USP6: variants seen among roughly 807,000 people sequenced by gnomAD.
USP6 encodes the protein ubiquitin carboxyl-terminal hydrolase 6.
In USP6, 128 loss-of-function variants were observed where a neutral mutation model predicts 175.7. The ratio of observed to expected loss-of-function variants is 0.73; its 90% confidence interval spans 0.63 to 0.84. USP6 has a LOEUF of 0.84. Ranked by LOEUF, USP6 falls within the 40% of genes least tolerant of loss-of-function variation. The pLI, the probability that USP6 is intolerant of heterozygous loss-of-function variation, is 0.00. For missense variants in USP6, 1,498 were observed against 1,760.3 expected, an observed-to-expected ratio of 0.85 and a Z score of 2.67; for synonymous variants, 562 against 630.6, an observed-to-expected ratio of 0.89 and a Z score of 1.63.
At chr17:5,133,662 A>C in intron 14 of USP6, 112 bp downstream of exon 14, 1 of 1,198,262 alleles carries the variant, frequency 8.3e-7, no homozygotes, top group Non-Finnish European at 1.2e-6. Flanking sequence ...GGGGATGGTT[A>C]GATGCACATC....
intron 31 of USP6, among the ~76,000 whole-genome samples, chr17:5,157,964 G>T (rs2144095144): frequency 6.6e-6 from 1 of 151,666 alleles, no homozygotes; most frequent in East Asian, 1.9e-4. Flanking sequence ...TTTGTGAATG[G>T]TGGTACCATT....
At chr17:5,124,475 C>G (rs376432624) in intron 4 of USP6, 91 bp from the exon 5 acceptor site, 17 of 152,432 alleles carry the variant, frequency 1.1e-4, no homozygotes, top group African/African-American at 3.6e-4. Flanking sequence ...GGATTCCTGT[C>G]TACCCTCTGG....
chr17:5,143,611 A>C (rs1359267157), intron 25 of USP6, among the ~76,000 whole-genome samples: 3 of 151,994 alleles, frequency 2.0e-5, no homozygotes, highest in Non-Finnish European at 4.4e-5. Context: ...AGGGACACAA[A>C]CACTGCGGAG....
At chr17:5,120,162 C>T (rs1162617524) in intron 2 of USP6, among the ~76,000 whole-genome samples, 1 of 152,182 alleles carries the variant, frequency 6.6e-6, no homozygotes, top group East Asian at 1.9e-4. Context: ...GGCTTTGAGG[C>T]TGGTTATACA....
intron 25 of USP6, among the ~76,000 whole-genome samples, chr17:5,143,679 T>C (rs1490202896): frequency 2.0e-5 from 3 of 151,782 alleles, no homozygotes; most frequent in African/African-American, 7.3e-5. Context: ...GTTTATCTGC[T>C]GACCTTCCCT....
chr17:5,119,534 C>T (rs2072605382), intron 2 of USP6, among the ~76,000 whole-genome samples: 1 of 152,170 alleles, frequency 6.6e-6, no homozygotes, highest in South Asian at 2.1e-4. Context: ...CTGGGCTGGG[C>T]CATGCTTCCA....
chr17:5,130,743 G>A (rs1175821387), intron 11 of USP6, 59 bp downstream of exon 11: 10 of 1,603,910 alleles, frequency 6.2e-6, no homozygotes, highest in East Asian at 2.2e-5. Flanking sequence ...TCAGGGATGG[G>A]TTTGCTTTTA....
chr17:5,142,297 A>G (rs1193229219), intron 24 of USP6, 100 bp from the exon 25 acceptor site: 7 of 1,543,332 alleles, frequency 4.5e-6, no homozygotes, highest in Non-Finnish European at 6.1e-6. Flanking sequence ...TCTTGTTTCA[A>G]AAAGAAAAGA....
chr17:5,118,077 A>AT (rs1254788340), intron 1 of USP6, 123 bp from the exon 2 acceptor site: 2 of 152,420 alleles, frequency 1.3e-5, no homozygotes, highest in Non-Finnish European at 1.5e-5. Context: ...TCAAAAAAAA[A>AT]AAAAAAATCA....
Position 5,171,615 on chromosome 17 carries a change from A to G in USP6, c.3983A>G (p.His1328Arg), listed in dbSNP as rs1283546796. 5 of 1,613,848 alleles carry G rather than the reference A, an allele frequency of 3.1e-6. No homozygotes were observed. The Admixed American group carries it at 8.3e-5, about 27-fold the overall frequency. Residue 1328 changes from histidine to arginine, a missense_variant, in exon 37 of 38, where the codon CAT becomes CGT. Coordinates refer to ENST00000574788, the MANE Select transcript of USP6 (RefSeq NM_001304284.2). Reference sequence around the variant, plus strand: ...CATTCAGGAATTCTGAGTGGGGGCCATTACATCACTTATGCCAAAAACCCA... The same window carrying G: ...CATTCAGGAATTCTGAGTGGGGGCCGTTACATCACTTATGCCAAAAACCCA... ...SCHSGILSGG[H>R]YITYAKNPNC...
intron 16 of USP6, 60 bp from the exon 17 acceptor site, chr17:5,135,748 T>C (rs1003467891): frequency 6.3e-7 from 1 of 1,597,080 alleles, no homozygotes; most frequent in Non-Finnish European, 8.5e-7. Context: ...ACATGAGTCC[T>C]CCCAGGTGAC....
intron 31 of USP6, among the ~76,000 whole-genome samples, chr17:5,159,194 A>C (rs1212543775): frequency 6.6e-6 from 1 of 152,182 alleles, no homozygotes; most frequent in East Asian, 1.9e-4. Context: ...TCTTGGGTGA[A>C]AGAATCATTA....
At chr17:5,152,481 GAT>G (rs2073795987) in intron 30 of USP6, among the ~76,000 whole-genome samples, 1 of 152,168 alleles carries the variant, frequency 6.6e-6, no homozygotes, top group Non-Finnish European at 1.5e-5. Flanking sequence ...CCACCCAAAA[GAT>G]ATGTGTACCA....
chr17:5,119,356 C>T (rs1372012461), intron 2 of USP6, among the ~76,000 whole-genome samples: 2 of 152,214 alleles, frequency 1.3e-5, no homozygotes, highest in Admixed American at 1.3e-4. Context: ...ACATTAGCTT[C>T]TGCTACCTAT....
Position 5,120,095 on chromosome 17 carries a change from C to G in USP6, c.-1836-532C>G, listed in dbSNP as rs138300326. Among the ~76,000 whole-genome samples the G allele has an allele frequency of 2.6e-3, 391 of 152,298 alleles. 2 individuals carry two copies. Among genetic ancestry groups the G allele is most frequent in the Middle Eastern group, 0.017 (5 of 294 alleles). On this transcript the variant is annotated intron_variant, in intron 2 of 37. Transcript: ENST00000574788. ...CTTCTCAGCCGAGTTCTGTGCTGCT[C>G]TAAGCTGGGGAAGCCTACTCCCCAA...
chr17:5,133,107 G>A (rs1344961239), intron 13 of USP6, 117 bp downstream of exon 13: 41 of 1,228,608 alleles, frequency 3.3e-5, no homozygotes, highest in Admixed American at 3.1e-4. Flanking sequence ...CACTGTCCTC[G>A]CCCAGAGGAC....
In USP6 at chr17:5,137,484, C is replaced by G. The variant is rs573081989; in HGVS notation, c.826-167C>G. On this transcript the variant is annotated intron_variant, in intron 19 of 37. Coordinates refer to ENST00000574788, the MANE Select transcript of USP6 (RefSeq NM_001304284.2). Reference sequence around the variant, plus strand: ...ACATACCCACTCAAATGAGTACCCCCCCATGAGAAGTTGCAAGACCTTTTC... The same window carrying G: ...ACATACCCACTCAAATGAGTACCCCGCCATGAGAAGTTGCAAGACCTTTTC... Among the ~76,000 whole-genome samples, 603 of 152,338 alleles carry G rather than the reference C, an allele frequency of 4.0e-3. 3 individuals are homozygous for G. Among genetic ancestry groups the G allele is most frequent in the Middle Eastern group, 0.02 (6 of 294 alleles).
chr17:5,138,860 G>T (rs573357788), intron 21 of USP6: 14 of 641,082 alleles, frequency 2.2e-5, no homozygotes, highest in African/African-American at 7.3e-5. Flanking sequence ...GGTGACCCAC[G>T]TCCGGGCCCA....
At chr17:5,135,082 A>C in intron 15 of USP6, 152 bp from the exon 16 acceptor site, 1 of 853,046 alleles carries the variant, frequency 1.2e-6, no homozygotes, top group East Asian at 2.6e-5. Flanking sequence ...TTTTACTGAA[A>C]CATTTCTTCA....
Sources: allele counts gnomAD v4.1 joint callset (sites outside exome capture counted in the v4.1 genomes callset), GRCh38; gene constraint gnomAD v4.1.1; transcripts MANE v1.5; gene names NCBI Gene and HGNC (gene_info 2026-07-23, HGNC 2026-07-21).